The following LOC128462377 variants were observed in gnomAD, a reference collection of about 807,000 sequenced individuals.
At chr16:89,325,451 T>TCTC in the LOC128462377 span, among the ~76,000 whole-genome samples, 8 of 129,052 alleles carry the variant, frequency 6.2e-5, no homozygotes, top group Admixed American at 1.6e-4. Flanking sequence ...TCCCCTCTCC[T>TCTC]CTCTCTCTCT....
At chr16:89,395,364 G>C in the LOC128462377 span, among the ~76,000 whole-genome samples, 2 of 152,254 alleles carry the variant, frequency 1.3e-5, no homozygotes, top group East Asian at 1.9e-4. Context: ...TGTTACATAA[G>C]AGCCCAGTCC....
the LOC128462377 span, among the ~76,000 whole-genome samples, chr16:89,358,141 G>A: frequency 1.3e-5 from 2 of 152,242 alleles, no homozygotes; most frequent in South Asian, 4.1e-4. Flanking sequence ...GGTGGCTGGA[G>A]ATGCTGCACC....
the LOC128462377 span, among the ~76,000 whole-genome samples, chr16:89,387,391 G>C: frequency 1.3e-5 from 2 of 152,026 alleles, no homozygotes; most frequent in Non-Finnish European, 2.9e-5. Flanking sequence ...ACTGTGCTTG[G>C]GCCGGGCGCG....
At chr16:89,395,188 C>A in the LOC128462377 span, among the ~76,000 whole-genome samples, 1 of 152,234 alleles carries the variant, frequency 6.6e-6, no homozygotes, top group African/African-American at 2.4e-5. Context: ...AAGTTAGAGG[C>A]TTGGTCAATT....
chr16:89,374,350 A>G, the LOC128462377 span, among the ~76,000 whole-genome samples: 1 of 150,016 alleles, frequency 6.7e-6, no homozygotes, highest in South Asian at 2.1e-4. Context: ...AAAAAATAAT[A>G]ATAATAATAA....
chr16:89,332,537 T>G, the LOC128462377 span, among the ~76,000 whole-genome samples: 2 of 152,206 alleles, frequency 1.3e-5, no homozygotes, highest in Non-Finnish European at 2.9e-5. Context: ...TCTCACCAAC[T>G]TCCTCTATAA....
the LOC128462377 span, among the ~76,000 whole-genome samples, chr16:89,382,172 C>T: frequency 6.6e-6 from 1 of 152,244 alleles, no homozygotes; most frequent in South Asian, 2.1e-4. Context: ...CCCATCTCCT[C>T]TTTCCCCTGG....
At chr16:89,317,105 C>A in the LOC128462377 span, 1 of 1,437,082 alleles carries the variant, frequency 7.0e-7, no homozygotes, top group East Asian at 2.5e-5. Context: ...ACACAATTCA[C>A]TGAATTCAGA....
At chr16:89,376,302 A>AT in the LOC128462377 span, among the ~76,000 whole-genome samples, 1 of 152,226 alleles carries the variant, frequency 6.6e-6, no homozygotes, top group Non-Finnish European at 1.5e-5. Context: ...GGATGGTTTG[A>AT]CAGTTTTAGA....
chr16:89,378,172 A>G, the LOC128462377 span, among the ~76,000 whole-genome samples: 579 of 152,324 alleles, frequency 3.8e-3, 2 homozygotes, highest in African/African-American at 0.013. Flanking sequence ...CAACATGGCA[A>G]GCGAGACTCT....
At chr16:89,402,715 AG>A in the LOC128462377 span, among the ~76,000 whole-genome samples, 2 of 43,172 alleles carry the variant, frequency 4.6e-5, no homozygotes. Context: ...AGGTTAGGAG[AG>A]GGGGCAGGGG....
the LOC128462377 span, among the ~76,000 whole-genome samples, chr16:89,407,479 TTCGC>T: frequency 6.6e-6 from 1 of 151,990 alleles, no homozygotes; most frequent in Non-Finnish European, 1.5e-5. Context: ...AGGAACCACG[TTCGC>T]CTCGTCAGGG....
At chr16:89,358,245 G>A in the LOC128462377 span, among the ~76,000 whole-genome samples, 2 of 152,244 alleles carry the variant, frequency 1.3e-5, no homozygotes, top group South Asian at 4.1e-4. Flanking sequence ...GGTCCCGCAT[G>A]GAGCTGTGCC....
the LOC128462377 span, among the ~76,000 whole-genome samples, chr16:89,355,293 G>C: frequency 6.6e-6 from 1 of 152,110 alleles, no homozygotes; most frequent in Non-Finnish European, 1.5e-5. Context: ...CCTGAGGCTC[G>C]GAAGGCGGGC....
At chr16:89,403,258 T>C in the LOC128462377 span, among the ~76,000 whole-genome samples, 2 of 152,118 alleles carry the variant, frequency 1.3e-5, no homozygotes, top group African/African-American at 4.8e-5. Context: ...TGATGCGCAC[T>C]CACTCACACC....
At chr16:89,358,397 A>T in the LOC128462377 span, among the ~76,000 whole-genome samples, 779 of 152,362 alleles carry the variant, frequency 5.1e-3, 5 homozygotes, top group African/African-American at 0.018. Flanking sequence ...ACCACGTTTC[A>T]AAGAGCCACG....
the LOC128462377 span, among the ~76,000 whole-genome samples, chr16:89,343,080 G>C: frequency 1.3e-5 from 2 of 152,198 alleles, no homozygotes; most frequent in African/African-American, 4.8e-5. Flanking sequence ...GAGTGCAGTG[G>C]TGCGATCTCG....
chr16:89,357,406 G>A, the LOC128462377 span, among the ~76,000 whole-genome samples: 7 of 152,070 alleles, frequency 4.6e-5, no homozygotes, highest in African/African-American at 1.2e-4. Context: ...AGGAATCCTC[G>A]TGCATTGCTG....
the LOC128462377 span, among the ~76,000 whole-genome samples, chr16:89,386,428 C>A: frequency 6.6e-6 from 1 of 152,184 alleles, no homozygotes; most frequent in African/African-American, 2.4e-5. Flanking sequence ...CGCCAGAAAC[C>A]CAGCCACTGG....
Sources: gnomAD v4.1 joint callset for allele counts (sites outside exome capture counted in the v4.1 genomes callset) on GRCh38, gnomAD v4.1.1 for gene constraint, MANE v1.5 for transcripts.